The following ZDHHC24 variants were observed in gnomAD, a reference collection of about 807,000 sequenced individuals.
ZDHHC24 encodes the protein zDHHC palmitoyltransferase 24, also known as probable palmitoyltransferase ZDHHC24.
ZDHHC24 carries 17 observed loss-of-function variants against 23.2 expected under a neutral mutation model. The observed-to-expected ratio is 0.73, with a 90% confidence interval of 0.50 to 1.10. ZDHHC24 has a LOEUF of 1.10. Among genes scored for constraint, ZDHHC24 ranks in the 50% least tolerant of loss-of-function variants. ZDHHC24 has a pLI of 0.00. For synonymous variants in ZDHHC24, 186 were observed against 194.5 expected (o/e 0.96, Z 0.36); for missense variants, 366 against 393.0 (o/e 0.93, Z 0.58).
intron 4 of ZDHHC24, chr11:66,526,099 C>CTA (rs758457691): frequency 3.7e-6 from 6 of 1,613,508 alleles, no homozygotes; most frequent in Non-Finnish European, 5.1e-6. Flanking sequence ...ATTTCCCCAA[C>CTA]TAAACTCTGA....
chr11:66,522,772 T>C (rs78176556), intron 4 of ZDHHC24: 7,980 of 242,330 alleles, frequency 0.033, 177 homozygotes, highest in Non-Finnish European at 0.048. Flanking sequence ...CGAAGACAGA[T>C]GTATTAAAGT....
intron 4 of ZDHHC24, chr11:66,524,204 T>C: frequency 2.6e-6 from 1 of 378,348 alleles, no homozygotes; most frequent in Non-Finnish European, 5.1e-6. Flanking sequence ...CGCTTGAGCC[T>C]GGGAGGCGGA....
chr11:66,522,654 A>G (rs1258605556), intron 4 of ZDHHC24, among the ~76,000 whole-genome samples: 1 of 152,094 alleles, frequency 6.6e-6, no homozygotes, highest in African/African-American at 2.4e-5. Flanking sequence ...CCTAACATGC[A>G]TTTTTTTAAT....
Position 66,545,307 on chromosome 11 carries a change from G to C in ZDHHC24, c.281+416C>G, listed in dbSNP as rs770604469. Reference sequence around the variant, plus strand: ...GCCGGCCTCGGCCTCCCAAAGTGCTGGGATTACAGATGTGAGCCAACGCAC... The same window carrying C: ...GCCGGCCTCGGCCTCCCAAAGTGCTCGGATTACAGATGTGAGCCAACGCAC... On this transcript the variant is annotated intron_variant, in intron 1 of 2. Transcript: ENST00000310442. This position sits in a 1 kb window ranked among gnomAD's most constrained non-coding sequence, Gnocchi z 4.5. Among the ~76,000 whole-genome samples the C allele has an allele frequency of 2.4e-4, 36 of 152,262 alleles. No homozygotes were observed. Among genetic ancestry groups the C allele is most frequent in the Non-Finnish European group, 4.6e-4 (31 of 68,022 alleles).
chr11:66,540,247 G>A (rs574808966), intron 2 of ZDHHC24, among the ~76,000 whole-genome samples: 9 of 152,086 alleles, frequency 5.9e-5, no homozygotes, highest in South Asian at 2.1e-4. Context: ...GTAAAACCCC[G>A]TCTCTACTAA....
chr11:66,529,588 T>C (rs1479258182), intron 2 of ZDHHC24: 3 of 691,680 alleles, frequency 4.3e-6, no homozygotes, highest in African/African-American at 1.8e-5. Flanking sequence ...AGGAGCTAGA[T>C]AGTGCAGGCA....
Position 66,539,560 on chromosome 11 carries a change from G to C in ZDHHC24, c.824C>G (p.Thr275Ser). 1 of 1,604,134 alleles carries C rather than the reference G, an allele frequency of 6.2e-7. No individual in the cohort carries two copies. The highest frequency in any genetic ancestry group is 8.5e-7 in the Non-Finnish European group (1 of 1,174,790). Residue 275 changes from threonine (T) to serine (S), a missense_variant, in exon 3 of 3, where the codon ACC (threonine) becomes AGC (serine). Physicochemically the swap from Thr to Ser is moderately conservative, Grantham distance 58 (BLOSUM62 1). Transcript: ENST00000310442. ...PLPGDGITFQ[T>S]TADVGHTAS ...GGCTGTGTGTCCCACATCTGCTGTG[G>C]TCTGGAAGGTGATCCCATCCCCAGG...
chr11:66,532,032 G>C, downstream of ZDHHC24: 1 of 1,603,316 alleles, frequency 6.2e-7, no homozygotes, highest in Non-Finnish European at 8.5e-7. Flanking sequence ...GCTGGCGGCC[G>C]CCTGAGACCT....
chr11:66,537,723 T>TC lies in ZDHHC24; in HGVS notation c.*1805dup, dbSNP rs1303239547. The stretch of plus-strand genomic sequence containing the variant: ...GCAGGTGGATCACAAGGTCAGGAGA[T>TC]CGAGACCATCCTGGCTAACACGGTG... On this transcript the variant is annotated 3_prime_UTR_variant, in exon 3 of 3. Transcript: ENST00000310442. 8 of 144,844 alleles carry TC rather than the reference T, an allele frequency of 5.5e-5. No homozygotes were observed. The highest frequency in any genetic ancestry group is 9.5e-5 in the Non-Finnish European group (6 of 63,146). The allele number at this position is 144,844 out of a possible 1,614,324, so 9.0% of individuals were successfully genotyped here.
At chr11:66,535,183 A>G (rs1358942712), downstream of ZDHHC24, among the ~76,000 whole-genome samples, 1 of 151,494 alleles carries the variant, frequency 6.6e-6, no homozygotes, top group Non-Finnish European at 1.5e-5. Flanking sequence ...ATGAGCCACC[A>G]CACCTGGCCT....
At chr11:66,529,835 C>G in intron 2 of ZDHHC24, 1 of 1,611,324 alleles carries the variant, frequency 6.2e-7, no homozygotes, top group Non-Finnish European at 8.5e-7. Flanking sequence ...ACCGGGCCTT[C>G]CAGACAGACC....
intron 2 of ZDHHC24, 149 bp from the exon 3 acceptor site, chr11:66,539,973 G>C (rs1463033713): frequency 2.6e-6 from 2 of 757,434 alleles, no homozygotes; most frequent in Non-Finnish European, 4.0e-6. Context: ...TGGGTGACAA[G>C]AACGCACTGG....
In ZDHHC24 at chr11:66,521,900, G is replaced by A. The variant is rs185377298; in HGVS notation, c.*22-434C>T. On this transcript the variant is annotated intron_variant, in intron 4 of 4. Coordinates refer to the ZDHHC24 transcript ENST00000526986. ...AGCCTGGGTAACGGAGCGAGACTCC[G>A]TCTCAAAAAAAAAAAAAAAAAAAAA... Among the ~76,000 whole-genome samples, 9 of 87,856 alleles carry A rather than the reference G, an allele frequency of 1.0e-4. No individual in the cohort carries two copies. The East Asian group carries it at 3.2e-3, about 31-fold the overall frequency. 57.6% of individuals were successfully genotyped at this position (87,856 alleles called of 152,430 possible).
At position 66,539,754 on chromosome 11, in the gene ZDHHC24, G is replaced by A. The variant is rs149052503; in HGVS notation, c.630C>T (p.Cys210=). ...TCCCATGGAAGAGCAGCCCAGCCCC[G>A]CACAGCAGCGCACCCGCCACGCACG... ...TDTCVAGALL[C]GAGLLFHGML... Residue 210 remains cysteine (C), a synonymous_variant, in exon 3 of 3, where the codon TGC becomes TGT. Transcript: ENST00000310442. 50 of 1,612,490 alleles carry A rather than the reference G, an allele frequency of 3.1e-5. No individual in the cohort carries two copies. Among genetic ancestry groups the A allele is most frequent in the African/African-American group, 1.7e-4 (13 of 74,912 alleles).
chr11:66,545,770 G>A lies in ZDHHC24; in HGVS notation c.234C>T (p.Ser78=). 6.3e-7 allele frequency: 1 copy of A among 1,590,030 alleles called. No homozygotes were observed. The change falls in exon 1 of 3, where the codon AGC becomes AGT. Residue 78 remains serine (S), a synonymous_variant. Transcript: ENST00000310442. The surrounding 1 kb of genome is among the most constrained non-coding windows in gnomAD (Gnocchi z 4.5). ...NVGLFLRSDP[S]IRGVMLAGRG... ...GGCCGGCCAGCATCACGCCACGGAT[G>A]CTGGGATCCGAGCGCAGGAAGAGCC...
At position 66,545,782 on chromosome 11, in the gene ZDHHC24, G is replaced by C. The variant is rs754995086; in HGVS notation, c.222C>G (p.Arg74=). The C allele has an allele frequency of 9.2e-5, 146 of 1,588,980 alleles. No homozygotes were observed. The highest frequency in any genetic ancestry group is 1.2e-4 in the Non-Finnish European group (141 of 1,173,288). The change falls in exon 1 of 3, where the codon CGC becomes CGG. Residue 74 remains arginine, a synonymous_variant. Coordinates refer to ENST00000310442, the MANE Select transcript of ZDHHC24 (RefSeq NM_207340.3). The surrounding 1 kb of genome is among the most constrained non-coding windows in gnomAD (Gnocchi z 4.5). ...TCACGCCACGGATGCTGGGATCCGA[G>C]CGCAGGAAGAGCCCCACGTTGCCCA... ...NLLGNVGLFL[R]SDPSIRGVML... is the part of the protein sequence containing the mutation.
intron 3 of ZDHHC24, chr11:66,529,137 G>C: frequency 2.0e-6 from 2 of 981,226 alleles, no homozygotes; most frequent in Non-Finnish European, 2.4e-6. Context: ...ACGGAAGAGC[G>C]AAGCCAGCCT....
At position 66,545,836 on chromosome 11, in the gene ZDHHC24, C is replaced by T; in HGVS notation, c.168G>A (p.Ala56=). ...LGPLARALQL[A]LAAFQLLNLL... The stretch of plus-strand genomic sequence containing the variant: ...GGTTGAGCAGCTGGAAGGCGGCCAG[C>T]GCCAGCTGCAAGGCCCGGGCCAGGG... The change falls in exon 1 of 3, where the codon GCG becomes GCA. Residue 56 remains alanine, a synonymous_variant. Transcript: ENST00000310442. The surrounding 1 kb of genome is among the most constrained non-coding windows in gnomAD (Gnocchi z 4.5). 2 of 1,562,512 alleles carry T rather than the reference C, an allele frequency of 1.3e-6. No individual in the cohort carries two copies. Among genetic ancestry groups the T allele is most frequent in the East Asian group, 2.3e-5 (1 of 42,596 alleles).
At chr11:66,522,589 A>G (rs550522320) in intron 4 of ZDHHC24, among the ~76,000 whole-genome samples, 2 of 152,022 alleles carry the variant, frequency 1.3e-5, no homozygotes, top group South Asian at 4.1e-4. Flanking sequence ...CTTGTGATCC[A>G]CCCTTCTCGG....
Sources: allele counts gnomAD v4.1 joint callset (sites outside exome capture counted in the v4.1 genomes callset), GRCh38; gene constraint gnomAD v4.1.1; non-coding constraint Gnocchi (gnomAD v3.1); transcripts MANE v1.5; gene names NCBI Gene and HGNC (gene_info 2026-07-23, HGNC 2026-07-21).